Variants in PTPRN2 observed in about 807,000 individuals in gnomAD.
PTPRN2 encodes the protein receptor-type tyrosine-protein phosphatase N2.
A neutral mutation model predicts 118.8 loss-of-function variants in PTPRN2; 74 were observed. The ratio of observed to expected loss-of-function variants is 0.62; its 90% CI spans 0.52 to 0.76. The LOEUF is 0.76. Ranked by LOEUF, PTPRN2 falls within the 30% of genes least tolerant of loss-of-function variation. The pLI, the probability that PTPRN2 is intolerant of heterozygous loss-of-function variation, is 0.00. For synonymous variants in PTPRN2, 641 were observed against 608.0 expected, an observed-to-expected ratio of 1.05 and a Z score of -0.80; for missense variants, 1,481 against 1,394.4, an observed-to-expected ratio of 1.06 and a Z score of -0.99.
rs539883241 is a variant in PTPRN2 at position 157,668,540 on chromosome 7, C to T, written c.2002-11989G>A. Among the ~76,000 whole-genome samples the T allele has an allele frequency of 1.1e-4, 17 of 152,292 alleles. No individual in the cohort carries two copies. In the East Asian group the frequency reaches 3.3e-3, roughly 29 times the overall value. ...AAAGCTGGGCAGGAAAAAGTGGGTT[C>T]ACTGGGCTCTGCTGGGGAGGAATAA... On this transcript the variant is annotated intron_variant, in intron 13 of 22. Coordinates refer to ENST00000389418, the MANE Select transcript of PTPRN2 (RefSeq NM_002847.5).
At chr7:157,758,770 C>T (rs1011218466) in intron 12 of PTPRN2, among the ~76,000 whole-genome samples, 5 of 152,184 alleles carry the variant, frequency 3.3e-5, no homozygotes, top group Admixed American at 6.5e-5. Flanking sequence ...ACGCTACCCC[C>T]CAACCCTTGC....
At chr7:157,875,917 G>A (rs982252979) in intron 12 of PTPRN2, among the ~76,000 whole-genome samples, 2 of 149,930 alleles carry the variant, frequency 1.3e-5, no homozygotes, top group African/African-American at 4.9e-5. Context: ...CCCAGGGTGG[G>A]CACCGGGCTG....
At chr7:157,635,108 G>A (rs1804230107) in intron 14 of PTPRN2, among the ~76,000 whole-genome samples, 1 of 152,262 alleles carries the variant, frequency 6.6e-6, no homozygotes, top group Non-Finnish European at 1.5e-5. Flanking sequence ...TATTGAGTCA[G>A]TGCCATTGGT....
intron 2 of PTPRN2, 152 bp downstream of exon 2, chr7:158,489,583 C>T: frequency 1.4e-6 from 1 of 698,738 alleles, no homozygotes; most frequent in African/African-American, 1.9e-5. Flanking sequence ...GGCCGCAGCC[C>T]ATGGCTCCGG....
chr7:158,273,357 A>G (rs541623652), intron 3 of PTPRN2, among the ~76,000 whole-genome samples: 1 of 149,122 alleles, frequency 6.7e-6, no homozygotes, highest in South Asian at 2.1e-4. Flanking sequence ...CAAGGGCAGA[A>G]GCACTGCCTG....
chr7:157,999,705 C>CCGTAA (rs1175148688), intron 11 of PTPRN2, among the ~76,000 whole-genome samples: 1 of 152,072 alleles, frequency 6.6e-6, no homozygotes, highest in African/African-American at 2.4e-5. Context: ...ATAACGAGTT[C>CCGTAA]CGTAACTGGA....
chr7:158,336,959 ACT>A (rs1465987593), intron 2 of PTPRN2, among the ~76,000 whole-genome samples: 1 of 26,136 alleles, frequency 3.8e-5, no homozygotes, highest in African/African-American at 6.9e-5. Context: ...TCACACTCAC[ACT>A]CTCACCATAA....
intron 11 of PTPRN2, among the ~76,000 whole-genome samples, chr7:157,961,190 TTTGA>T (rs1368885438): frequency 6.6e-6 from 1 of 152,208 alleles, no homozygotes; most frequent in Non-Finnish European, 1.5e-5. Flanking sequence ...TCTTTCCTCT[TTTGA>T]TTTTTTCCAA....
chr7:158,209,143 A>G (rs776239449), intron 3 of PTPRN2, among the ~76,000 whole-genome samples: 41 of 152,170 alleles, frequency 2.7e-4, no homozygotes, highest in Non-Finnish European at 4.9e-4. Flanking sequence ...GAAATAAGAA[A>G]GAGAAGACCA....
rs111708435 is a variant in PTPRN2, at chr7:158,164,280, C to A, written c.910+2651G>T. ...GTAGGAAGAGCACGCAGAGCAAGAG[C>A]GCGTGCGTAGGAAGGGCACGCAGAG... On this transcript the variant is annotated intron_variant, in intron 6 of 22. Transcript: ENST00000389418. Among the ~76,000 whole-genome samples, 1,038 of 150,240 alleles carry A rather than the reference C, an allele frequency of 6.9e-3. 22 individuals carry two copies. Among genetic ancestry groups the A allele is most frequent in the African/African-American group, 0.024 (970 of 40,328 alleles).
chr7:157,699,045 T>C (rs998678900), intron 12 of PTPRN2, among the ~76,000 whole-genome samples: 2 of 152,270 alleles, frequency 1.3e-5, no homozygotes, highest in African/African-American at 2.4e-5. Context: ...TTAAAATCTC[T>C]TTCACATATT....
chr7:158,285,255 CAA>C (rs907642758), intron 3 of PTPRN2, among the ~76,000 whole-genome samples: 2 of 152,296 alleles, frequency 1.3e-5, no homozygotes, highest in East Asian at 1.9e-4. Flanking sequence ...ATGGGCCAAA[CAA>C]AAGAGTGGTC....
At chr7:158,253,350 A>C (rs1306976083) in intron 3 of PTPRN2, among the ~76,000 whole-genome samples, 1 of 152,198 alleles carries the variant, frequency 6.6e-6, no homozygotes, top group Non-Finnish European at 1.5e-5. Context: ...CTGCCCATTA[A>C]ATACACTTTC....
chr7:158,446,562 C>T (rs1431858969), intron 2 of PTPRN2, among the ~76,000 whole-genome samples: 1 of 152,136 alleles, frequency 6.6e-6, no homozygotes, highest in Non-Finnish European at 1.5e-5. Context: ...GCCACAGCCG[C>T]CCCCGGCGGG....
At chr7:158,146,835 C>A (rs539808971) in intron 6 of PTPRN2, among the ~76,000 whole-genome samples, 1 of 151,934 alleles carries the variant, frequency 6.6e-6, no homozygotes, top group Non-Finnish European at 1.5e-5. Context: ...GTTTTGGAGG[C>A]CAGAGAGACT....
chr7:157,629,154 G>C lies in PTPRN2; in HGVS notation c.2197-7645C>G, dbSNP rs1420913968. Among the ~76,000 whole-genome samples the C allele has an allele frequency of 6.6e-6, 1 of 152,130 alleles. No homozygotes were observed. Among genetic ancestry groups the C allele is most frequent in the Non-Finnish European group, 1.5e-5 (1 of 68,010 alleles). The stretch of plus-strand genomic sequence containing the variant: ...CATCTGGAGACTTGTAAAGGGTCCA[G>C]ATGTGGTTCCATGTGAATCCCGTCC... On this transcript the variant is annotated intron_variant, in intron 14 of 22. Coordinates refer to ENST00000389418, the MANE Select transcript of PTPRN2 (RefSeq NM_002847.5). This position sits in a 1 kb window ranked among gnomAD's most constrained non-coding sequence, Gnocchi z 4.4.
intron 11 of PTPRN2, among the ~76,000 whole-genome samples, chr7:158,011,313 T>A (rs1806030936): frequency 6.6e-6 from 1 of 152,322 alleles, no homozygotes; most frequent in Admixed American, 6.5e-5. Context: ...CGGTGATTGT[T>A]AAAAGTTGGT....
chr7:158,218,628 G>C (rs537747314), intron 3 of PTPRN2, among the ~76,000 whole-genome samples: 1 of 152,248 alleles, frequency 6.6e-6, no homozygotes, highest in South Asian at 2.1e-4. Flanking sequence ...CCACTTAAAA[G>C]GCATAGATTG....
intron 12 of PTPRN2, among the ~76,000 whole-genome samples, chr7:157,850,447 C>T (rs1224012553): frequency 6.7e-6 from 1 of 149,360 alleles, no homozygotes; most frequent in African/African-American, 2.5e-5. Context: ...GGGTGCCTCA[C>T]GCTCGCATAA....
Sources: gnomAD v4.1 joint callset for allele counts (sites outside exome capture counted in the v4.1 genomes callset) on GRCh38, gnomAD v4.1.1 for gene constraint, Gnocchi (gnomAD v3.1) non-coding constraint, MANE v1.5 for transcripts, NCBI Gene and HGNC (gene_info 2026-07-23, HGNC 2026-07-21) for gene names.